FAM13A: variants seen among roughly 807,000 people sequenced by gnomAD.
FAM13A encodes the protein protein FAM13A.
In FAM13A, 76 loss-of-function variants were observed where a neutral mutation model predicts 129.6. The ratio of observed to expected loss-of-function variants is 0.59; its 90% CI spans 0.49 to 0.71. FAM13A has a LOEUF of 0.71. Among genes scored for constraint, FAM13A ranks in the 30% least tolerant of loss-of-function variants. The pLI is 0.00. For missense variants in FAM13A, 1,108 were observed against 1,249.3 expected, an observed-to-expected ratio of 0.89 and a Z score of 1.70; for synonymous variants, 443 against 449.9, an observed-to-expected ratio of 0.98 and a Z score of 0.20.
intron 6 of FAM13A, among the ~76,000 whole-genome samples, chr4:88,896,584 A>G (rs1316985540): frequency 6.6e-6 from 1 of 152,234 alleles, no homozygotes; most frequent in East Asian, 1.9e-4. Flanking sequence ...TAACTGTGAC[A>G]TGTCATCTCA....
intron 11 of FAM13A, among the ~76,000 whole-genome samples, chr4:88,771,408 ATTAGACC>A (rs1720653379): frequency 6.6e-6 from 1 of 152,182 alleles, no homozygotes; most frequent in Non-Finnish European, 1.5e-5. Flanking sequence ...GAAGTATGCC[ATTAGACC>A]TTCAAATGTG....
In FAM13A at chr4:88,740,516, G is replaced by C. The variant is rs1258527630; in HGVS notation, c.2467-1391C>G. ...GCAGTCCCATTGGTTACTTAAATGG[G>C]GAATGAGATGAAGTATCTTTGCTTC... On this transcript the variant is annotated intron_variant, in intron 19 of 23. Transcript: ENST00000264344. 7.9e-5 allele frequency among the ~76,000 whole-genome samples: 12 copies of C among 152,150 alleles called. 1 individual carries two copies. In the East Asian group the frequency reaches 2.3e-3, roughly 29 times the overall value.
At chr4:88,750,291 T>C in intron 15 of FAM13A, 133 bp downstream of exon 15, 1 of 725,648 alleles carries the variant, frequency 1.4e-6, no homozygotes, top group Non-Finnish European at 2.4e-6. Context: ...TGTCCTAGGA[T>C]GGAGAATTTC....
At chr4:89,001,970 C>T (rs376947571) in intron 3 of FAM13A, among the ~76,000 whole-genome samples, 11 of 151,906 alleles carry the variant, frequency 7.2e-5, no homozygotes, top group Middle Eastern at 6.8e-3. Flanking sequence ...TTCACAGGCA[C>T]TTAACTCTCA....
chr4:88,944,095 G>A (rs1190791311), intron 4 of FAM13A, among the ~76,000 whole-genome samples: 1 of 152,152 alleles, frequency 6.6e-6, no homozygotes, highest in Non-Finnish European at 1.5e-5. Flanking sequence ...TGGGCATGGT[G>A]GCTCACATGT....
chr4:88,767,507 A>G (rs1256780873), intron 13 of FAM13A, 46 bp downstream of exon 13: 3 of 1,453,190 alleles, frequency 2.1e-6, no homozygotes, highest in Non-Finnish European at 1.9e-6. Flanking sequence ...TCAAGAGTGT[A>G]TGAACAGCCC....
intron 4 of FAM13A, among the ~76,000 whole-genome samples, chr4:88,986,986 C>A (rs917385202): frequency 6.6e-6 from 1 of 152,146 alleles, no homozygotes; most frequent in African/African-American, 2.4e-5. Context: ...AAATGTAATT[C>A]TTCTATAGAA....
chr4:88,737,535 C>G lies in FAM13A; in HGVS notation c.2583G>C (p.Arg861=). The change falls in exon 21 of 24, where the codon CGG becomes CGC. Residue 861 remains arginine (R), a synonymous_variant. Transcript: ENST00000264344. Reference sequence around the variant, plus strand: ...TAATTGGCTGCAGCAAAGGGCTTCTCCGCTTGCTGGAGGGGGAACCCTGTG... The same window carrying G: ...TAATTGGCTGCAGCAAAGGGCTTCTGCGCTTGCTGGAGGGGGAACCCTGTG... The part of the protein sequence containing the change: ...IPIIGSPSSK[R]RSPLLQPIIE... 6.2e-7 allele frequency: 1 copy of G among 1,614,088 alleles called. No individual in the cohort carries two copies. Among genetic ancestry groups the G allele is most frequent in the South Asian group, 1.1e-5 (1 of 91,086 alleles).
chr4:88,885,639 A>G (rs975754985), intron 6 of FAM13A, among the ~76,000 whole-genome samples: 1 of 152,206 alleles, frequency 6.6e-6, no homozygotes, highest in Non-Finnish European at 1.5e-5. Context: ...ATATGCAACA[A>G]TAACAAAGAT....
At chr4:88,859,018 A>G (rs2150023622) in intron 6 of FAM13A, among the ~76,000 whole-genome samples, 1 of 152,254 alleles carries the variant, frequency 6.6e-6, no homozygotes, top group Non-Finnish European at 1.5e-5. Context: ...TGTAGTAGGG[A>G]TTGATTAGAG....
chr4:88,865,241 G>C (rs1212073857), intron 6 of FAM13A, among the ~76,000 whole-genome samples: 1 of 152,082 alleles, frequency 6.6e-6, no homozygotes, highest in African/African-American at 2.4e-5. Context: ...CACTCTAAAA[G>C]TGACTCATTA....
At chr4:88,924,572 T>A (rs1382743205) in intron 5 of FAM13A, among the ~76,000 whole-genome samples, 1 of 152,188 alleles carries the variant, frequency 6.6e-6, no homozygotes, top group Non-Finnish European at 1.5e-5. Flanking sequence ...ATTAAAGACT[T>A]AAACTTTAGA....
intron 6 of FAM13A, among the ~76,000 whole-genome samples, chr4:88,852,584 T>C (rs931518713): frequency 6.6e-6 from 1 of 152,222 alleles, no homozygotes; most frequent in African/African-American, 2.4e-5. Flanking sequence ...TTCTAGGTCA[T>C]ATGGTCTCAA....
intron 11 of FAM13A, among the ~76,000 whole-genome samples, chr4:88,772,590 T>C (rs1720894810): frequency 6.6e-6 from 1 of 152,190 alleles, no homozygotes; most frequent in Non-Finnish European, 1.5e-5. Context: ...CAACTTACCA[T>C]GGAGGTTATA....
intron 13 of FAM13A, among the ~76,000 whole-genome samples, chr4:88,764,689 G>T (rs946333202): frequency 6.6e-6 from 1 of 152,136 alleles, no homozygotes; most frequent in Non-Finnish European, 1.5e-5. Context: ...GGAGCAGTGT[G>T]CTAGGCTCTT....
chr4:88,736,034 C>G (rs1430373492), intron 21 of FAM13A, among the ~76,000 whole-genome samples: 1 of 152,018 alleles, frequency 6.6e-6, no homozygotes, highest in Non-Finnish European at 1.5e-5. Context: ...GAGAAACATG[C>G]TAATTTTCAT....
At chr4:88,967,959 G>GT (rs1009981936) in intron 4 of FAM13A, among the ~76,000 whole-genome samples, 1 of 152,112 alleles carries the variant, frequency 6.6e-6, no homozygotes, top group Admixed American at 6.5e-5. Context: ...TGGTGGTAGT[G>GT]TGTGTGTGTT....
chr4:88,942,793 A>T (rs1388847375), intron 4 of FAM13A, among the ~76,000 whole-genome samples: 1 of 152,188 alleles, frequency 6.6e-6, no homozygotes, highest in Non-Finnish European at 1.5e-5. Flanking sequence ...TGAAAAAAAT[A>T]GTCTCCTTAC....
chr4:88,841,196 C>T (rs1197836001), intron 7 of FAM13A, among the ~76,000 whole-genome samples: 3 of 152,036 alleles, frequency 2.0e-5, no homozygotes, highest in African/African-American at 7.2e-5. Context: ...CTTCAAAGGA[C>T]ACTATCAAAA....
Sources: gnomAD v4.1 joint callset for allele counts (sites outside exome capture counted in the v4.1 genomes callset) on GRCh38, gnomAD v4.1.1 for gene constraint, MANE v1.5 for transcripts, NCBI Gene and HGNC (gene_info 2026-07-23, HGNC 2026-07-21) for gene names.